GPC6: variants seen among roughly 807,000 people sequenced by gnomAD.
GPC6 encodes the protein glypican 6.
Under a neutral mutation model 55.2 loss-of-function variants are expected in GPC6, and 14 were observed. The observed-to-expected ratio is 0.25, with a 90% confidence interval of 0.17 to 0.40. The LOEUF (loss-of-function observed/expected upper bound fraction) is 0.40, where lower values mean the gene tolerates loss of function less well. Ranked by LOEUF, GPC6 falls within the 10% of genes least tolerant of loss-of-function variation. The pLI, the probability that GPC6 is intolerant of heterozygous loss-of-function variation, is 1.00. For missense variants in GPC6, 641 were observed against 708.5 expected (o/e 0.90, Z 1.08); for synonymous variants, 278 against 259.6 (o/e 1.07, Z -0.68).
intron 2 of GPC6, among the ~76,000 whole-genome samples, chr13:93,829,932 G>A (rs976593024): frequency 6.6e-6 from 1 of 152,186 alleles, no homozygotes; most frequent in Non-Finnish European, 1.5e-5. Context: ...GACTCCTAAT[G>A]TTAATGGAAA....
intron 1 of GPC6, among the ~76,000 whole-genome samples, chr13:93,307,410 G>C (rs1306295104): frequency 1.3e-5 from 2 of 152,060 alleles, no homozygotes; most frequent in Non-Finnish European, 2.9e-5. Context: ...ATTTATCCTT[G>C]CTTAGTAATC....
intron 2 of GPC6, among the ~76,000 whole-genome samples, chr13:93,650,439 G>C (rs1023530587): frequency 6.6e-6 from 1 of 151,666 alleles, no homozygotes; most frequent in African/African-American, 2.4e-5. Flanking sequence ...CTTAGAATGA[G>C]CCTTCACTGT....
intron 1 of GPC6, among the ~76,000 whole-genome samples, chr13:93,251,268 T>G (rs1438491443): frequency 1.3e-5 from 2 of 152,126 alleles, no homozygotes; most frequent in Admixed American, 1.3e-4. Context: ...TGCTATCTCT[T>G]TCTCTTTCTG....
chr13:93,952,903 A>G (rs1017863272), intron 3 of GPC6, among the ~76,000 whole-genome samples: 17 of 148,562 alleles, frequency 1.1e-4, no homozygotes, highest in African/African-American at 4.2e-4. Flanking sequence ...ATATACGTGT[A>G]TATATGTATA....
chr13:93,581,903 A>T (rs1211543328), intron 2 of GPC6, among the ~76,000 whole-genome samples: 1 of 152,116 alleles, frequency 6.6e-6, no homozygotes, highest in South Asian at 2.1e-4. Context: ...GAAGAGAGGC[A>T]TGGTATCATG....
At chr13:93,579,841 C>T (rs938460847) in intron 2 of GPC6, among the ~76,000 whole-genome samples, 6 of 152,172 alleles carry the variant, frequency 3.9e-5, no homozygotes, top group Admixed American at 1.3e-4. Flanking sequence ...AATGATGGAG[C>T]CCCTCACTGT....
At chr13:94,239,424 C>T (rs145147176) in intron 4 of GPC6, among the ~76,000 whole-genome samples, 1,549 of 152,154 alleles carry the variant, frequency 0.01, 19 homozygotes, top group Non-Finnish European at 0.012. Context: ...TCTGTGACAA[C>T]TGGAATAGAC....
At chr13:93,882,466 C>T (rs1227065941) in intron 3 of GPC6, among the ~76,000 whole-genome samples, 6 of 152,002 alleles carry the variant, frequency 3.9e-5, no homozygotes, top group Non-Finnish European at 8.8e-5. Context: ...GTTTAAGTCA[C>T]CTCCCAATCC....
At chr13:93,750,073 T>C (rs1324573669) in intron 2 of GPC6, among the ~76,000 whole-genome samples, 2 of 152,062 alleles carry the variant, frequency 1.3e-5, no homozygotes, top group Non-Finnish European at 2.9e-5. Flanking sequence ...ACAAACAGAC[T>C]TAGGGGAGAG....
chr13:94,007,500 C>G (rs1218526905), intron 3 of GPC6, among the ~76,000 whole-genome samples: 1 of 152,168 alleles, frequency 6.6e-6, no homozygotes, highest in African/African-American at 2.4e-5. Flanking sequence ...TGGACAGCAT[C>G]TGGATGGTAA....
chr13:94,300,218 A>G (rs568277977), intron 5 of GPC6, among the ~76,000 whole-genome samples: 1 of 152,334 alleles, frequency 6.6e-6, no homozygotes, highest in East Asian at 1.9e-4. Flanking sequence ...TCAGGTTACC[A>G]GTAGTGACTT....
chr13:93,713,080 ATGGC>A (rs1883128490), intron 2 of GPC6, among the ~76,000 whole-genome samples: 1 of 151,598 alleles, frequency 6.6e-6, no homozygotes, highest in Admixed American at 6.6e-5. Context: ...ATGTATCTGG[ATGGC>A]TCTTTGATTA....
intron 4 of GPC6, among the ~76,000 whole-genome samples, chr13:94,266,527 C>T (rs946437690): frequency 6.6e-6 from 1 of 151,434 alleles, no homozygotes; most frequent in Non-Finnish European, 1.5e-5. Context: ...TACACTCTTC[C>T]CCACCCTTCC....
At chr13:94,240,600 A>T (rs1233568627) in intron 4 of GPC6, among the ~76,000 whole-genome samples, 2 of 151,450 alleles carry the variant, frequency 1.3e-5, no homozygotes, top group African/African-American at 2.4e-5. Flanking sequence ...TGGAGTAGAT[A>T]TTCCAGTGTT....
At chr13:93,810,659 T>C (rs9524232) in intron 2 of GPC6, among the ~76,000 whole-genome samples, 55,789 of 152,044 alleles carry the variant, frequency 0.37, 10,851 homozygotes, top group African/African-American at 0.48. Context: ...GATTCACCTC[T>C]TAAAAGTAAA....
intron 2 of GPC6, among the ~76,000 whole-genome samples, chr13:93,826,767 T>G (rs1391437785): frequency 6.6e-6 from 1 of 152,172 alleles, no homozygotes; most frequent in Non-Finnish European, 1.5e-5. Context: ...TTTGGAGCCT[T>G]TCTCAGTTAT....
chr13:93,607,055 G>A (rs1878264271), intron 2 of GPC6, among the ~76,000 whole-genome samples: 1 of 152,016 alleles, frequency 6.6e-6, no homozygotes, highest in Admixed American at 6.6e-5. Context: ...TTTCCACACT[G>A]TATTTATTGT....
At chr13:94,227,925 C>T (rs1287136681) in intron 4 of GPC6, among the ~76,000 whole-genome samples, 1 of 152,168 alleles carries the variant, frequency 6.6e-6, no homozygotes, top group Non-Finnish European at 1.5e-5. Context: ...CGGTATTTCA[C>T]TCTCAGTTCC....
chr13:94,058,901 A>G (rs1884225080), intron 4 of GPC6, among the ~76,000 whole-genome samples: 1 of 152,194 alleles, frequency 6.6e-6, no homozygotes, highest in Non-Finnish European at 1.5e-5. Flanking sequence ...AATGCTTGCT[A>G]CTCAACAATT....
Sources: gnomAD v4.1 joint callset for allele counts (sites outside exome capture counted in the v4.1 genomes callset) on GRCh38, gnomAD v4.1.1 for gene constraint, MANE v1.5 for transcripts, NCBI Gene and HGNC (gene_info 2026-07-23, HGNC 2026-07-21) for gene names.